The following STARD13 variants were observed in gnomAD, a reference collection of about 807,000 sequenced individuals.
STARD13 encodes the protein stAR-related lipid transfer protein 13.
STARD13 carries 62 observed loss-of-function variants against 106.4 expected under a neutral mutation model. That is an observed-to-expected ratio of 0.58 (90% CI 0.48 to 0.72). The LOEUF (loss-of-function observed/expected upper bound fraction) is 0.72, where lower values mean the gene tolerates loss of function less well. Among genes scored for constraint, STARD13 ranks in the 30% least tolerant of loss-of-function variants. The pLI, the probability that STARD13 is intolerant of heterozygous loss-of-function variation, is 0.00. For missense variants in STARD13, 1,387 were observed against 1,424.0 expected (o/e 0.97, Z 0.42); for synonymous variants, 565 against 553.0 (o/e 1.02, Z -0.31).
At chr13:33,675,116 C>T in the STARD13 span, among the ~76,000 whole-genome samples, 1 of 152,080 alleles carries the variant, frequency 6.6e-6, no homozygotes, top group African/African-American at 2.4e-5. Context: ...AAAATGTGTG[C>T]CAAGATTAGC....
chr13:33,584,429 C>T, the STARD13 span, among the ~76,000 whole-genome samples: 2 of 151,744 alleles, frequency 1.3e-5, no homozygotes, highest in East Asian at 4.0e-4. Context: ...CATGATAATT[C>T]ACTCCCTATC....
intron 1 of STARD13, among the ~76,000 whole-genome samples, chr13:33,315,374 G>T (rs1893289677): frequency 6.6e-6 from 1 of 152,172 alleles, no homozygotes; most frequent in African/African-American, 2.4e-5. Flanking sequence ...TTTCAGCAGA[G>T]GTTGGGATTC....
intron 3 of STARD13, among the ~76,000 whole-genome samples, chr13:33,153,007 G>A (rs1052392547): frequency 2.0e-5 from 3 of 152,206 alleles, no homozygotes; most frequent in African/African-American, 4.8e-5. Context: ...TATTAGGAAA[G>A]GCATGGACAT....
upstream of STARD13, chr13:33,350,698 T>C: frequency 8.9e-7 from 1 of 1,119,642 alleles, no homozygotes; most frequent in African/African-American, 1.6e-5. Flanking sequence ...TCCCCTCCGT[T>C]GGGCGCTCCT....
chr13:33,172,911 T>C (rs1394486642), intron 1 of STARD13, among the ~76,000 whole-genome samples: 1 of 152,206 alleles, frequency 6.6e-6, no homozygotes, highest in African/African-American at 2.4e-5. Flanking sequence ...CTGGCTCCAA[T>C]TTAAATAGGT....
the STARD13 span, among the ~76,000 whole-genome samples, chr13:33,580,853 A>C: frequency 6.6e-6 from 1 of 152,162 alleles, no homozygotes; most frequent in African/African-American, 2.4e-5. Context: ...ATATTTGTTT[A>C]TCTCTCCCAG....
At chr13:33,222,318 T>C (rs995544806) in intron 1 of STARD13, among the ~76,000 whole-genome samples, 11 of 152,158 alleles carry the variant, frequency 7.2e-5, no homozygotes, top group African/African-American at 2.4e-4. Context: ...GGAATGGAGA[T>C]TGGAGAGTTG....
intron 1 of STARD13, among the ~76,000 whole-genome samples, chr13:33,308,657 G>A (rs1017453059): frequency 2.7e-5 from 4 of 150,888 alleles, no homozygotes; most frequent in Non-Finnish European, 4.4e-5. Context: ...CTGAGTAGCT[G>A]GTATTACAGG....
At chr13:33,640,170 G>A in the STARD13 span, among the ~76,000 whole-genome samples, 9 of 152,036 alleles carry the variant, frequency 5.9e-5, no homozygotes, top group Non-Finnish European at 1.2e-4. Context: ...CTGTGTCTTA[G>A]GCACCATTTC....
At chr13:33,175,080 C>T (rs569009767) in intron 1 of STARD13, among the ~76,000 whole-genome samples, 1 of 152,274 alleles carries the variant, frequency 6.6e-6, no homozygotes, top group Non-Finnish European at 1.5e-5. Flanking sequence ...AATCCCCAAA[C>T]CCCAGTCAAT....
At chr13:33,649,893 TTAA>T in the STARD13 span, among the ~76,000 whole-genome samples, 1 of 152,094 alleles carries the variant, frequency 6.6e-6, no homozygotes, top group African/African-American at 2.4e-5. Context: ...AAAATAAAAA[TTAA>T]TAGTCGTTGT....
the STARD13 span, among the ~76,000 whole-genome samples, chr13:33,415,087 C>T: frequency 2.0e-5 from 3 of 152,088 alleles, no homozygotes; most frequent in African/African-American, 2.4e-5. Context: ...ACATACCTGT[C>T]GCCGGGCATG....
chr13:33,615,314 C>G, the STARD13 span, among the ~76,000 whole-genome samples: 2 of 152,086 alleles, frequency 1.3e-5, no homozygotes, highest in Non-Finnish European at 2.9e-5. Flanking sequence ...GCTTTGGCTC[C>G]TAAGTAGCAG....
the STARD13 span, chr13:33,519,987 C>G: frequency 6.6e-6 from 1 of 152,124 alleles, no homozygotes; most frequent in Non-Finnish European, 1.5e-5. Flanking sequence ...TGTATTTTCT[C>G]TAAATATCCT....
chr13:33,676,506 C>G, the STARD13 span, among the ~76,000 whole-genome samples: 1 of 152,098 alleles, frequency 6.6e-6, no homozygotes, highest in South Asian at 2.1e-4. Flanking sequence ...TGAGTTTTTT[C>G]CTTTTAAGTC....
At chr13:33,160,996 C>G (rs1363541187) in intron 3 of STARD13, among the ~76,000 whole-genome samples, 3 of 152,156 alleles carry the variant, frequency 2.0e-5, no homozygotes, top group East Asian at 3.8e-4. Context: ...TATAATCACC[C>G]AAACTGGCAA....
chr13:33,630,724 C>T, the STARD13 span, among the ~76,000 whole-genome samples: 9 of 152,164 alleles, frequency 5.9e-5, no homozygotes, highest in African/African-American at 1.4e-4. Flanking sequence ...ATGTGCTAGC[C>T]GGTAGAGCCA....
the STARD13 span, among the ~76,000 whole-genome samples, chr13:33,643,286 A>G: frequency 3.3e-5 from 5 of 152,242 alleles, no homozygotes; most frequent in East Asian, 9.7e-4. Flanking sequence ...TGATGCCTAA[A>G]AGAACGCTGC....
chr13:33,627,509 C>T, the STARD13 span, among the ~76,000 whole-genome samples: 1 of 151,940 alleles, frequency 6.6e-6, no homozygotes, highest in African/African-American at 2.4e-5. Context: ...CGGTGGCGGG[C>T]ACCTGTAAGT....
Sources: allele counts gnomAD v4.1 joint callset (sites outside exome capture counted in the v4.1 genomes callset), GRCh38; gene constraint gnomAD v4.1.1; transcripts MANE v1.5; gene names NCBI Gene and HGNC (gene_info 2026-07-23, HGNC 2026-07-21).